The following ESRP1 variants were observed in gnomAD, a reference collection of about 807,000 sequenced individuals.
ESRP1 encodes RNA-binding motif protein 35A.
In ESRP1, 33 loss-of-function variants were observed where a neutral mutation model predicts 81.7. The observed-to-expected ratio is 0.40, with a 90% CI of 0.31 to 0.54. The LOEUF (loss-of-function observed/expected upper bound fraction) is 0.54, where lower values mean the gene tolerates loss of function less well. Ranked by LOEUF, ESRP1 falls within the 20% of genes least tolerant of loss-of-function variation. The pLI is 0.41. For synonymous variants in ESRP1, 320 were observed against 303.3 expected, an observed-to-expected ratio of 1.06 and a Z score of -0.57; for missense variants, 672 against 833.1, an observed-to-expected ratio of 0.81 and a Z score of 2.38.
chr8:94,687,241 TCA>T (rs1387046275), intron 13 of ESRP1, among the ~76,000 whole-genome samples: 2 of 152,230 alleles, frequency 1.3e-5, no homozygotes, highest in African/African-American at 4.8e-5. Context: ...AGATAATATT[TCA>T]GTTTCATTCA....
chr8:94,653,875 G>A (rs181091001), intron 4 of ESRP1, among the ~76,000 whole-genome samples: 1 of 152,318 alleles, frequency 6.6e-6, no homozygotes. Context: ...GGAGGTGGAA[G>A]GAATTATCTC....
At chr8:94,681,732 T>C (rs1470960302) in intron 13 of ESRP1, among the ~76,000 whole-genome samples, 4 of 151,898 alleles carry the variant, frequency 2.6e-5, no homozygotes, top group African/African-American at 9.7e-5. Context: ...AGGTCAGGGG[T>C]TCAAGACCAG....
At chr8:94,668,436 A>T (rs1051219075) in intron 10 of ESRP1, 186 bp downstream of exon 10, 3 of 483,160 alleles carry the variant, frequency 6.2e-6, no homozygotes. Context: ...CACACACAAC[A>T]CATACTACGT....
At chr8:94,691,989 T>C (rs563374878) in intron 13 of ESRP1, among the ~76,000 whole-genome samples, 27 of 152,294 alleles carry the variant, frequency 1.8e-4, no homozygotes, top group Admixed American at 4.6e-4. Flanking sequence ...AGTTGTCACA[T>C]AAAGTTGGGT....
chr8:94,685,509 GAAAAC>G (rs1054979247), intron 13 of ESRP1, among the ~76,000 whole-genome samples: 1 of 152,054 alleles, frequency 6.6e-6, no homozygotes, highest in Non-Finnish European at 1.5e-5. Context: ...CCCTGTCTCA[GAAAAC>G]AAAACAATAG....
chr8:94,656,071 G>A (rs2130578883), intron 4 of ESRP1: 1 of 151,858 alleles, frequency 6.6e-6, no homozygotes, highest in Non-Finnish European at 1.5e-5. Context: ...TGGAGTGGAG[G>A]GTTGCCTAAG....
chr8:94,671,649 T>C lies in ESRP1; in HGVS notation c.1430T>C (p.Val477Ala). Residue 477 changes from valine to alanine, a missense_variant, in exon 11 of 16, where the codon GTT becomes GCT. Transcript: ENST00000433389. ...GCCACAGATATTCGTACTCATGGGG[T>C]TCACATGGTTTTGAATCACCAGGTA... ...EFATDIRTHG[V>A]HMVLNHQGRP... 1 of 1,613,736 alleles carries C rather than the reference T, an allele frequency of 6.2e-7. No homozygotes were observed. The highest frequency in any genetic ancestry group is 8.5e-7 in the Non-Finnish European group (1 of 1,179,778).
At chr8:94,654,919 C>CAA (rs570390350) in intron 4 of ESRP1, among the ~76,000 whole-genome samples, 31 of 109,802 alleles carry the variant, frequency 2.8e-4, no homozygotes, top group Admixed American at 6.9e-4. Context: ...GATCCTGCCT[C>CAA]AAAAAAAAAA....
chr8:94,686,240 T>C (rs543179084), intron 13 of ESRP1, among the ~76,000 whole-genome samples: 1 of 152,346 alleles, frequency 6.6e-6, no homozygotes, highest in East Asian at 1.9e-4. Flanking sequence ...ACGTTACCTA[T>C]ATATGTACAG....
At position 94,690,114 on chromosome 8, in the gene ESRP1, G is replaced by A. The variant is rs531512856; in HGVS notation, c.1821-2563G>A. 4.6e-5 allele frequency among the ~76,000 whole-genome samples: 6 copies of A among 131,420 alleles called. 1 individual carries two copies. Among genetic ancestry groups the A allele is most frequent in the African/African-American group, 7.7e-5 (3 of 39,164 alleles). The allele number at this position is 131,420 out of a possible 152,430, so 86.2% of individuals were successfully genotyped here. A position where few individuals can be genotyped will look rare whatever the true frequency, so the allele number is the denominator to read the frequency against. ...ATTACAGGCGTGAGCCACCGTGCCC[G>A]GCCTAATTTTTTTTGTTTTTTTGTT... is the stretch of plus-strand genomic sequence containing the variant. On this transcript the variant is annotated intron_variant, in intron 13 of 15. Coordinates refer to ENST00000433389, the MANE Select transcript of ESRP1 (RefSeq NM_017697.4).
intron 12 of ESRP1, among the ~76,000 whole-genome samples, chr8:94,676,457 C>G (rs1290748215): frequency 6.6e-6 from 1 of 151,668 alleles, no homozygotes; most frequent in African/African-American, 2.4e-5. Flanking sequence ...GCTGAACAGA[C>G]TTACACCTAC....
intron 12 of ESRP1, among the ~76,000 whole-genome samples, chr8:94,677,567 A>T (rs1041907324): frequency 6.6e-6 from 1 of 152,196 alleles, no homozygotes; most frequent in Non-Finnish European, 1.5e-5. Context: ...ACTATTTCCC[A>T]GGTTGGATTT....
chr8:94,697,515 T>C (rs1050534716), intron 15 of ESRP1, among the ~76,000 whole-genome samples: 1 of 152,238 alleles, frequency 6.6e-6, no homozygotes, highest in Non-Finnish European at 1.5e-5. Context: ...AGGTTCACCC[T>C]TGTAGCACGT....
At chr8:94,691,266 T>TA (rs932540285) in intron 13 of ESRP1, among the ~76,000 whole-genome samples, 14 of 152,256 alleles carry the variant, frequency 9.2e-5, no homozygotes, top group African/African-American at 3.4e-4. Flanking sequence ...GAGAGTTGTT[T>TA]AAAAAACAAA....
intron 13 of ESRP1, among the ~76,000 whole-genome samples, chr8:94,684,113 C>CT (rs1424640490): frequency 6.6e-6 from 1 of 151,494 alleles, no homozygotes; most frequent in Non-Finnish European, 1.5e-5. Flanking sequence ...TCCCTAAGTG[C>CT]TGGGATTACA....
intron 13 of ESRP1, chr8:94,688,381 C>A: frequency 7.1e-6 from 2 of 283,676 alleles, no homozygotes; most frequent in South Asian, 8.7e-5. Context: ...AATTTGAAGT[C>A]ATTTGAGATC....
chr8:94,641,521 A>T, intron 1 of ESRP1, 71 bp downstream of exon 1: 1 of 1,582,380 alleles, frequency 6.3e-7, no homozygotes, highest in Non-Finnish European at 8.7e-7. Context: ...TTGGGCGGGG[A>T]GGGGGGTGGA....
chr8:94,647,209 T>G (rs543973222), intron 4 of ESRP1, among the ~76,000 whole-genome samples: 1 of 152,328 alleles, frequency 6.6e-6, no homozygotes, highest in South Asian at 2.1e-4. Flanking sequence ...CCGTTTTCAT[T>G]TGCCTTCTTC....
At chr8:94,701,110 T>C (rs938250349) in intron 15 of ESRP1, among the ~76,000 whole-genome samples, 2 of 149,952 alleles carry the variant, frequency 1.3e-5, no homozygotes, top group African/African-American at 4.9e-5. Context: ...CTGTCTTTAC[T>C]AAAAATAGAA....
Sources: gnomAD v4.1 joint callset for allele counts (sites outside exome capture counted in the v4.1 genomes callset) on GRCh38, gnomAD v4.1.1 for gene constraint, MANE v1.5 for transcripts, NCBI Gene and HGNC (gene_info 2026-07-23, HGNC 2026-07-21) for gene names.